Variants in FABP6 observed in about 807,000 individuals in gnomAD.
FABP6 encodes gastrotropin.
Under a neutral mutation model 14.9 loss-of-function variants are expected in FABP6, and 13 were observed. The ratio of observed to expected loss-of-function variants is 0.87; its 90% CI spans 0.57 to 1.39. The LOEUF (loss-of-function observed/expected upper bound fraction) is 1.39. Ranked by LOEUF, FABP6 falls within the 40% of genes most tolerant of loss-of-function variation. The probability of loss-of-function intolerance (pLI) is 0.00; values close to 1 mark genes in which losing one functional copy is unlikely to be tolerated. For missense variants in FABP6, 161 were observed against 167.2 expected (o/e 0.96, Z 0.20); for synonymous variants, 75 against 63.6 (o/e 1.18, Z -0.85).
intron 2 of FABP6, among the ~76,000 whole-genome samples, chr5:160,202,895 C>T (rs67363312): frequency 0.22 from 32,917 of 151,702 alleles, 3,661 homozygotes; most frequent in South Asian, 0.26. Context: ...ATGGGGTAAC[C>T]AGAGAAGCTG....
chr5:160,194,344 A>T (rs534184640), intron 1 of FABP6, among the ~76,000 whole-genome samples: 1 of 152,286 alleles, frequency 6.6e-6, no homozygotes, highest in African/African-American at 2.4e-5. Context: ...CAGCCCAGAA[A>T]GGGACTCCCA....
intron 2 of FABP6, chr5:160,199,173 T>C (rs774753160): frequency 6.2e-7 from 1 of 1,613,994 alleles, no homozygotes; most frequent in Non-Finnish European, 8.5e-7. Flanking sequence ...TCCGTGAAGC[T>C]GGAAATAAGT....
chr5:160,199,542 C>G (rs1256004798), intron 2 of FABP6, among the ~76,000 whole-genome samples: 5 of 152,184 alleles, frequency 3.3e-5, no homozygotes, highest in Non-Finnish European at 5.9e-5. Flanking sequence ...CGCGGCATCC[C>G]GGCTCCCCGT....
chr5:160,228,170 T>A (rs1255387344), upstream of FABP6, among the ~76,000 whole-genome samples: 1 of 152,062 alleles, frequency 6.6e-6, no homozygotes, highest in Admixed American at 6.6e-5. Context: ...GGCAGGCGGA[T>A]CACTTGAGGT....
intron 2 of FABP6, among the ~76,000 whole-genome samples, chr5:160,232,701 A>C (rs1760417834): frequency 6.6e-6 from 1 of 152,028 alleles, no homozygotes; most frequent in Non-Finnish European, 1.5e-5. Flanking sequence ...TTTTGAGATT[A>C]GCCTGGCCAA....
At chr5:160,227,848 GTGTC>G (rs1307618863), upstream of FABP6, among the ~76,000 whole-genome samples, 121 of 148,928 alleles carry the variant, frequency 8.1e-4, 1 homozygote, top group Admixed American at 5.6e-3. Context: ...GTGTGTGTGT[GTGTC>G]TGTCTGTCTG....
chr5:160,203,530 CT>C lies in FABP6; in HGVS notation c.51+4374del, dbSNP rs543304079. Among the ~76,000 whole-genome samples, 226 of 152,078 alleles carry C rather than the reference CT, an allele frequency of 1.5e-3. 4 individuals are homozygous for C. The highest frequency in any genetic ancestry group is 3.4e-3 in the Middle Eastern group (1 of 294). ...ATAAATTTTATTTAACGATGCTCAC[CT>C]CATTTTTTTTTCTTTGAGAAAAGGT... On this transcript the variant is annotated intron_variant, in intron 2 of 6. Transcript: ENST00000393980.
rs114531400 is a variant in FABP6, at chr5:160,219,855, C to T, written c.135+6036C>T. Among the ~76,000 whole-genome samples, 587 of 152,218 alleles carry T rather than the reference C, an allele frequency of 3.9e-3. 4 individuals are homozygous for T. The highest frequency in any genetic ancestry group is 0.014 in the African/African-American group (562 of 41,530). ...GTTTGTCAAAATGCAGATTCTAGGGCCCCACCCCAGACCTACCAAACCAGA... is the reference window on the plus strand; with the variant it reads ...GTTTGTCAAAATGCAGATTCTAGGGTCCCACCCCAGACCTACCAAACCAGA... On this transcript the variant is annotated intron_variant, in intron 3 of 6. Coordinates refer to the FABP6 transcript ENST00000393980.
At chr5:160,227,819 CGTGTGTGTGTGT>C (rs763474232), upstream of FABP6, among the ~76,000 whole-genome samples, 25 of 145,654 alleles carry the variant, frequency 1.7e-4, no homozygotes, top group African/African-American at 5.8e-4. Flanking sequence ...AAATCCATGA[CGTGTGTGTGTGT>C]GTGTGTGTGT....
chr5:160,228,327 G>T, upstream of FABP6: 1 of 427,918 alleles, frequency 2.3e-6, no homozygotes, highest in Non-Finnish European at 4.7e-6. Context: ...GGAGGCGGAG[G>T]TTGCAGTGAG....
intron 2 of FABP6, among the ~76,000 whole-genome samples, chr5:160,202,467 C>T (rs536192096): frequency 6.6e-5 from 10 of 152,246 alleles, no homozygotes; most frequent in African/African-American, 2.2e-4. Context: ...TTCACCATGT[C>T]AAAAAGCAAA....
At chr5:160,226,348 G>A (rs149063476), upstream of FABP6, among the ~76,000 whole-genome samples, 2,705 of 151,704 alleles carry the variant, frequency 0.018, 50 homozygotes, top group Non-Finnish European at 0.023. Flanking sequence ...AGATCACGAG[G>A]TCAGGAGTTC....
At chr5:160,229,815 T>C (rs1760331803) in intron 1 of FABP6, among the ~76,000 whole-genome samples, 191 bp downstream of exon 1, 1 of 150,526 alleles carries the variant, frequency 6.6e-6, no homozygotes, top group Admixed American at 6.7e-5. Flanking sequence ...AAGACACTCT[T>C]TAACTTTTTT....
intron 2 of FABP6, among the ~76,000 whole-genome samples, chr5:160,199,721 C>T (rs914309414): frequency 6.6e-6 from 1 of 152,220 alleles, no homozygotes; most frequent in African/African-American, 2.4e-5. Context: ...GGTAGCCTAT[C>T]TTGTGGTGAG....
At chr5:160,213,953 G>A in intron 3 of FABP6, 1 of 724,170 alleles carries the variant, frequency 1.4e-6, no homozygotes, top group Non-Finnish European at 2.4e-6. Context: ...ATATTAGGTT[G>A]CACCATCTGA....
chr5:160,204,370 C>T (rs1759713699), intron 2 of FABP6, among the ~76,000 whole-genome samples: 1 of 151,946 alleles, frequency 6.6e-6, no homozygotes, highest in African/African-American at 2.4e-5. Flanking sequence ...TTTAAAAAAG[C>T]TCACTATGGA....
At chr5:160,192,449 C>A (rs779414831) in intron 1 of FABP6, among the ~76,000 whole-genome samples, 1 of 152,264 alleles carries the variant, frequency 6.6e-6, no homozygotes, top group African/African-American at 2.4e-5. Context: ...AGAAACCTTG[C>A]GTGTTTACTC....
chr5:160,220,200 A>G (rs964867457), intron 3 of FABP6, among the ~76,000 whole-genome samples: 1 of 152,246 alleles, frequency 6.6e-6, no homozygotes, highest in African/African-American at 2.4e-5. Context: ...TGAGAATAAC[A>G]GTAGATATCC....
At chr5:160,212,062 A>G (rs1016823613) in intron 2 of FABP6, among the ~76,000 whole-genome samples, 1 of 142,328 alleles carries the variant, frequency 7.0e-6, no homozygotes, top group African/African-American at 2.7e-5. Context: ...ATCTCAGCTC[A>G]CTGTAACCTC....
Sources: allele counts gnomAD v4.1 joint callset (sites outside exome capture counted in the v4.1 genomes callset), GRCh38; gene constraint gnomAD v4.1.1; transcripts MANE v1.5; gene names NCBI Gene and HGNC (gene_info 2026-07-23, HGNC 2026-07-21).